Variants in NELL1 observed in about 807,000 individuals in gnomAD.
The protein encoded by NELL1 is neural EGFL like 1.
A neutral mutation model predicts 107.4 loss-of-function variants in NELL1; 76 were observed. That is an observed-to-expected ratio of 0.71 (90% confidence interval 0.59 to 0.86). The LOEUF (loss-of-function observed/expected upper bound fraction) is 0.86, where lower values mean the gene tolerates loss of function less well. NELL1 is among the 40% of genes least tolerant of loss of function. NELL1 has a pLI of 0.00. For missense variants in NELL1, 1,024 were observed against 1,005.5 expected, an observed-to-expected ratio of 1.02 and a Z score of -0.25; for synonymous variants, 353 against 341.2, an observed-to-expected ratio of 1.03 and a Z score of -0.38.
At chr11:21,290,627 G>A (rs4923520) in intron 14 of NELL1, among the ~76,000 whole-genome samples, 138,335 of 152,020 alleles carry the variant, frequency 0.91, 63,217 homozygotes, top group Non-Finnish European at 0.95. Context: ...CCCCTCTGGG[G>A]CAAAGCTTCC....
intron 2 of NELL1, among the ~76,000 whole-genome samples, chr11:20,692,777 A>T (rs1854503769): frequency 1.3e-5 from 2 of 152,112 alleles, no homozygotes; most frequent in Non-Finnish European, 2.9e-5. Context: ...TTTGGGGTGG[A>T]AAGTTCTGTA....
intron 14 of NELL1, among the ~76,000 whole-genome samples, chr11:21,309,288 A>ATATATATG (rs1554999589): frequency 8.5e-6 from 1 of 117,338 alleles, no homozygotes; most frequent in Non-Finnish European, 1.7e-5. Flanking sequence ...ATGTATATAT[A>ATATATATG]TATATATATA....
At chr11:21,447,462 A>G (rs559194632) in intron 15 of NELL1, among the ~76,000 whole-genome samples, 151 of 152,268 alleles carry the variant, frequency 9.9e-4, no homozygotes, top group African/African-American at 3.4e-3. Flanking sequence ...CTGATTATTC[A>G]GGGCCATGGG....
At chr11:21,167,096 C>T (rs1012487310) in intron 13 of NELL1, among the ~76,000 whole-genome samples, 5 of 151,818 alleles carry the variant, frequency 3.3e-5, no homozygotes, top group African/African-American at 1.2e-4. Flanking sequence ...AATATACATA[C>T]ATAAGGTTCA....
rs575545662 is a variant in NELL1 at position 20,893,960 on chromosome 11, C to T, written c.603+8420C>T. On this transcript the variant is annotated intron_variant, in intron 5 of 19. Transcript: ENST00000357134. Reference sequence around the variant, plus strand: ...AAAAAGGTCACCACATAATAATAAGCTATTTTAAAGATGTATGTACTGAAT... The same window carrying T: ...AAAAAGGTCACCACATAATAATAAGTTATTTTAAAGATGTATGTACTGAAT... 2.6e-5 allele frequency among the ~76,000 whole-genome samples: 4 copies of T among 151,666 alleles called. No individual in the cohort carries two copies. In the South Asian group the frequency reaches 8.3e-4, roughly 32 times the overall value.
At chr11:21,225,062 G>A (rs1303158863) in intron 13 of NELL1, among the ~76,000 whole-genome samples, 1 of 152,120 alleles carries the variant, frequency 6.6e-6, no homozygotes, top group East Asian at 1.9e-4. Flanking sequence ...AGGCTCAGAT[G>A]CTATGGTAAT....
chr11:21,111,576 C>A (rs1284532675), intron 12 of NELL1, among the ~76,000 whole-genome samples: 1 of 152,026 alleles, frequency 6.6e-6, no homozygotes, highest in East Asian at 1.9e-4. Flanking sequence ...TGGTGGCTTG[C>A]TCCTCACTTG....
chr11:20,791,393 A>G (rs912379950), intron 3 of NELL1, among the ~76,000 whole-genome samples: 2 of 152,318 alleles, frequency 1.3e-5, no homozygotes, highest in South Asian at 4.1e-4. Flanking sequence ...TACTGTATAG[A>G]AAGGAAATTA....
At chr11:20,678,515 G>A (rs1617707) in intron 2 of NELL1, among the ~76,000 whole-genome samples, 104,007 of 152,034 alleles carry the variant, frequency 0.68, 35,971 homozygotes, top group Middle Eastern at 0.81. Context: ...CACTATAAGC[G>A]GGACCACAAT....
chr11:21,081,977 G>A (rs181908761), intron 12 of NELL1, among the ~76,000 whole-genome samples: 2 of 152,214 alleles, frequency 1.3e-5, no homozygotes, highest in East Asian at 3.9e-4. Context: ...TGGCTTTAGA[G>A]CCTATACTCT....
intron 12 of NELL1, among the ~76,000 whole-genome samples, chr11:21,095,816 G>A (rs1039838718): frequency 6.6e-6 from 1 of 152,000 alleles, no homozygotes; most frequent in African/African-American, 2.4e-5. Context: ...CAGCATGTTG[G>A]TCAGGCTGGT....
intron 14 of NELL1, among the ~76,000 whole-genome samples, chr11:21,326,759 C>A (rs559996398): frequency 6.6e-6 from 1 of 151,608 alleles, no homozygotes; most frequent in Non-Finnish European, 1.5e-5. Flanking sequence ...TTATAGACTA[C>A]TTTTTTTTCT....
chr11:21,520,665 G>T (rs1369189309), intron 15 of NELL1, among the ~76,000 whole-genome samples: 1 of 152,088 alleles, frequency 6.6e-6, no homozygotes, highest in Non-Finnish European at 1.5e-5. Flanking sequence ...AGGTAAGCAG[G>T]GTTAAGGTGT....
rs143009522 is a variant in NELL1, at chr11:20,737,776, GAAT to G, written c.185-45902_185-45900del. 2.7e-3 allele frequency among the ~76,000 whole-genome samples: 404 copies of G among 151,494 alleles called. 2 individuals carry two copies. The highest frequency in any genetic ancestry group is 9.4e-3 in the African/African-American group (388 of 41,230). On this transcript the variant is annotated intron_variant, in intron 2 of 19. Transcript: ENST00000357134. The stretch of plus-strand genomic sequence containing the variant: ...TATTAACATTATTATTATTTCCAAA[GAAT>G]ATTCTACAAGATACTATGATAAATA...
intron 14 of NELL1, among the ~76,000 whole-genome samples, chr11:21,271,071 C>T (rs1848729512): frequency 6.6e-6 from 1 of 151,922 alleles, no homozygotes; most frequent in Non-Finnish European, 1.5e-5. Flanking sequence ...AGTAATGATC[C>T]AAGCTTCCAC....
chr11:21,534,737 CT>C (rs1856089844), intron 16 of NELL1, among the ~76,000 whole-genome samples: 1 of 152,050 alleles, frequency 6.6e-6, no homozygotes, highest in South Asian at 2.1e-4. Flanking sequence ...GGAACAAAAC[CT>C]GGGTCTATAT....
At chr11:20,852,378 C>A (rs369784871) in intron 4 of NELL1, among the ~76,000 whole-genome samples, 120 of 152,288 alleles carry the variant, frequency 7.9e-4, no homozygotes, top group Middle Eastern at 6.8e-3. Context: ...AAACTTGCTA[C>A]AAATCAATGA....
At chr11:21,184,930 C>A (rs1225635393) in intron 13 of NELL1, among the ~76,000 whole-genome samples, 1 of 151,792 alleles carries the variant, frequency 6.6e-6, no homozygotes, top group African/African-American at 2.4e-5. Flanking sequence ...CATTTTCAAA[C>A]GGCAACTTCA....
At position 21,534,448 on chromosome 11, in the gene NELL1, C is replaced by T; in HGVS notation, c.1720C>T (p.His574Tyr). 1 of 1,613,798 alleles carries T rather than the reference C, an allele frequency of 6.2e-7. No homozygotes were observed. The highest frequency in any genetic ancestry group is 8.5e-7 in the Non-Finnish European group (1 of 1,179,846). Residue 574 changes from histidine to tyrosine, a missense_variant, in exon 16 of 20, where the codon CAC becomes TAC. Transcript: ENST00000357134. ...CTGCGTTAACCTGCCAGGGTGGTACCACTGTGAGTGCAGAAGCGGTTTCCA... is the reference window on the plus strand; with the variant it reads ...CTGCGTTAACCTGCCAGGGTGGTACTACTGTGAGTGCAGAAGCGGTTTCCA... Reference protein sequence around the residue: ...SRCVNLPGWYHCECRSGFHDD... With the variant: ...SRCVNLPGWYYCECRSGFHDD...
Sources: allele counts gnomAD v4.1 joint callset (sites outside exome capture counted in the v4.1 genomes callset), GRCh38; gene constraint gnomAD v4.1.1; transcripts MANE v1.5; gene names NCBI Gene and HGNC (gene_info 2026-07-23, HGNC 2026-07-21).